Variants in SGCZ observed in about 807,000 individuals in gnomAD.
SGCZ encodes the protein sarcoglycan zeta, also known as zeta-sarcoglycan.
In SGCZ, 40 loss-of-function variants were observed where a neutral mutation model predicts 41.3. That is an observed-to-expected ratio of 0.97 (90% CI 0.75 to 1.26). SGCZ has a LOEUF of 1.26. Ranked by LOEUF, SGCZ falls within the 50% of genes most tolerant of loss-of-function variation. The probability of loss-of-function intolerance (pLI) is 0.00; values close to 1 mark genes in which losing one functional copy is unlikely to be tolerated. For synonymous variants in SGCZ, 206 were observed against 137.5 expected (o/e 1.50, Z -3.49); for missense variants, 552 against 369.8 (o/e 1.49, Z -4.04).
intron 1 of SGCZ, among the ~76,000 whole-genome samples, chr8:14,821,170 G>C (rs1802068456): frequency 6.6e-6 from 1 of 151,956 alleles, no homozygotes; most frequent in African/African-American, 2.4e-5. Flanking sequence ...AGGCTGATAA[G>C]AGACTATTAT....
intron 2 of SGCZ, among the ~76,000 whole-genome samples, chr8:14,544,351 G>A (rs980396062): frequency 5.9e-5 from 9 of 152,018 alleles, no homozygotes; most frequent in Non-Finnish European, 1.0e-4. Context: ...TATGAAATCA[G>A]TGCACCTTGA....
intron 1 of SGCZ, among the ~76,000 whole-genome samples, chr8:14,890,913 T>C (rs1222861324): frequency 6.6e-6 from 1 of 152,220 alleles, no homozygotes; most frequent in Non-Finnish European, 1.5e-5. Context: ...GCCTGTGCTC[T>C]AGAAATGGAA....
chr8:14,691,216 A>G (rs944281326), intron 1 of SGCZ, among the ~76,000 whole-genome samples: 1 of 152,172 alleles, frequency 6.6e-6, no homozygotes, highest in Non-Finnish European at 1.5e-5. Context: ...GGCACTCACT[A>G]TTTGGTGAAT....
chr8:14,220,351 T>A (rs1806149349), intron 4 of SGCZ, among the ~76,000 whole-genome samples: 1 of 152,088 alleles, frequency 6.6e-6, no homozygotes. Flanking sequence ...TGCAAAATAA[T>A]GTATCATATG....
chr8:14,517,931 T>G (rs1301527339), intron 2 of SGCZ, among the ~76,000 whole-genome samples: 2 of 151,892 alleles, frequency 1.3e-5, no homozygotes, highest in Non-Finnish European at 2.9e-5. Context: ...CTTCTCATAT[T>G]TTTCTCTTTA....
At position 14,097,423 on chromosome 8, in the gene SGCZ, C is replaced by T. The variant is rs1312776091; in HGVS notation, c.744+4953G>A. On this transcript the variant is annotated intron_variant, in intron 7 of 7. Transcript: ENST00000382080. ...TGTGATTTTGAGTGAGTTTCTTAATCCTGAGTTCTAATTTGATTGCACTGT... is the reference window on the plus strand; with the variant it reads ...TGTGATTTTGAGTGAGTTTCTTAATTCTGAGTTCTAATTTGATTGCACTGT... 2.6e-5 allele frequency among the ~76,000 whole-genome samples: 4 copies of T among 152,308 alleles called. No individual in the cohort carries two copies. The East Asian group carries it at 5.8e-4, about 22-fold the overall frequency.
intron 1 of SGCZ, among the ~76,000 whole-genome samples, chr8:15,110,457 G>C (rs1051414404): frequency 6.6e-6 from 1 of 152,192 alleles, no homozygotes; most frequent in African/African-American, 2.4e-5. Flanking sequence ...AAATTACATG[G>C]TTTCTAGCAA....
intron 1 of SGCZ, among the ~76,000 whole-genome samples, chr8:15,052,333 G>T (rs2130995359): frequency 6.6e-6 from 1 of 152,324 alleles, no homozygotes. Context: ...GAAAAGAGGA[G>T]ATAAGGGCAT....
At chr8:14,977,155 A>G (rs1801503949) in intron 1 of SGCZ, among the ~76,000 whole-genome samples, 1 of 152,152 alleles carries the variant, frequency 6.6e-6, no homozygotes, top group Non-Finnish European at 1.5e-5. Context: ...GTATACAGAA[A>G]CATAGGAAAG....
intron 2 of SGCZ, among the ~76,000 whole-genome samples, chr8:14,534,206 C>G (rs1309120280): frequency 6.6e-6 from 1 of 151,764 alleles, no homozygotes; most frequent in African/African-American, 2.4e-5. Flanking sequence ...TATGAGGTAG[C>G]AGGAAATATG....
In SGCZ at chr8:15,237,744, G is replaced by A. The variant is rs537995858; in HGVS notation, c.-121C>T. On this transcript the variant is annotated 5_prime_UTR_variant, in exon 1 of 8. Coordinates refer to ENST00000382080, the MANE Select transcript of SGCZ (RefSeq NM_139167.4). ...CTCCAAGCCCCGGCAGCTCCTCTCA[G>A]TCTCATTCTCCGTGGTCACGCCGCC... 3.0e-6 allele frequency: 3 copies of A among 989,124 alleles called. No homozygotes were observed. The South Asian group carries it at 4.4e-5, about 14-fold the overall frequency. The allele number at this position is 989,124 out of a possible 1,614,324, so 61.3% of individuals were successfully genotyped here.
At chr8:14,849,265 C>G (rs1013688951) in intron 1 of SGCZ, among the ~76,000 whole-genome samples, 4 of 152,020 alleles carry the variant, frequency 2.6e-5, no homozygotes, top group Non-Finnish European at 5.9e-5. Context: ...AAGAATTTAT[C>G]AAATTCTTTA....
intron 1 of SGCZ, among the ~76,000 whole-genome samples, chr8:14,643,836 C>G (rs1052446549): frequency 6.6e-6 from 1 of 151,674 alleles, no homozygotes; most frequent in African/African-American, 2.4e-5. Context: ...CAGAAACCCT[C>G]TTTTCACAGC....
intron 1 of SGCZ, among the ~76,000 whole-genome samples, chr8:14,711,280 T>C (rs1809505436): frequency 6.6e-6 from 1 of 152,018 alleles, no homozygotes; most frequent in Non-Finnish European, 1.5e-5. Flanking sequence ...ACACAAACTT[T>C]TATTCTCATT....
chr8:14,907,875 T>C (rs1291289053), intron 1 of SGCZ, among the ~76,000 whole-genome samples: 4 of 152,206 alleles, frequency 2.6e-5, no homozygotes, highest in Admixed American at 1.3e-4. Context: ...ATTTAGGATG[T>C]ATACAACCAA....
chr8:15,078,057 C>T (rs761002716), intron 1 of SGCZ, among the ~76,000 whole-genome samples: 7 of 150,314 alleles, frequency 4.7e-5, no homozygotes, highest in Non-Finnish European at 4.4e-5. Flanking sequence ...GAATTCATGC[C>T]TTACGTGGGA....
intron 1 of SGCZ, among the ~76,000 whole-genome samples, chr8:14,959,633 G>A (rs1800901188): frequency 6.6e-6 from 1 of 152,080 alleles, no homozygotes. Flanking sequence ...CACTGTCATT[G>A]AACACTGAAG....
intron 1 of SGCZ, among the ~76,000 whole-genome samples, chr8:14,792,317 A>C (rs1219954753): frequency 3.9e-5 from 6 of 152,148 alleles, no homozygotes; most frequent in African/African-American, 1.2e-4. Flanking sequence ...ATAGGTTACA[A>C]CATCTCTTTT....
At position 14,158,384 on chromosome 8, in the gene SGCZ, C is replaced by T. The variant is rs897480740; in HGVS notation, c.547+6196G>A. Reference sequence around the variant, plus strand: ...TAGCCAGGTATCCGGGTAATGCGATCTCCACAGAGCAACCTGGCAATGTAT... The same window carrying T: ...TAGCCAGGTATCCGGGTAATGCGATTTCCACAGAGCAACCTGGCAATGTAT... On this transcript the variant is annotated intron_variant, in intron 5 of 7. Transcript: ENST00000382080. Among the ~76,000 whole-genome samples, 64 of 152,230 alleles carry T rather than the reference C, an allele frequency of 4.2e-4. 1 individual carries two copies. Among genetic ancestry groups the T allele is most frequent in the African/African-American group, 1.5e-3 (62 of 41,532 alleles).
Sources: allele counts gnomAD v4.1 joint callset (sites outside exome capture counted in the v4.1 genomes callset), GRCh38; gene constraint gnomAD v4.1.1; transcripts MANE v1.5; gene names NCBI Gene and HGNC (gene_info 2026-07-23, HGNC 2026-07-21).